COL10A1: variants seen among roughly 807,000 people sequenced by gnomAD.
COL10A1 encodes collagen alpha-1(X) chain.
Under a neutral mutation model 18.2 loss-of-function variants are expected in COL10A1, and 10 were observed. The ratio of observed to expected loss-of-function variants is 0.55; its 90% CI spans 0.34 to 0.93. The LOEUF is 0.93. COL10A1 is among the 40% of genes least tolerant of loss of function. The pLI is 0.02. For synonymous variants in COL10A1, 330 were observed against 316.6 expected (o/e 1.04, Z -0.45); for missense variants, 897 against 853.5 (o/e 1.05, Z -0.64).
intron 1 of COL10A1, among the ~76,000 whole-genome samples, chr6:116,149,053 T>A (rs952780386): frequency 5.9e-5 from 9 of 152,294 alleles, no homozygotes; most frequent in Non-Finnish European, 1.3e-4. Flanking sequence ...ATGTGTTTTT[T>A]AAATTTTCTT....
chr6:116,149,409 C>A lies in COL10A1; in HGVS notation c.-16+9205G>T, dbSNP rs1271198188. Among the ~76,000 whole-genome samples the A allele has an allele frequency of 2.6e-5, 4 of 152,124 alleles. No individual in the cohort carries two copies. The East Asian group carries it at 7.7e-4, about 29-fold the overall frequency. ...GTGTGTCTTTACCAAACTGGCTCTG[C>A]ATTTTTAGGATTATGATTTTCTAAA... On this transcript the variant is annotated intron_variant, in intron 1 of 1. Coordinates refer to the COL10A1 transcript ENST00000418500.
At position 116,119,775 on chromosome 6, in the gene COL10A1, GT is replaced by G; in HGVS notation, c.*297del. On this transcript the variant is annotated 3_prime_UTR_variant, in exon 3 of 3. Transcript: ENST00000651968. ...TTTTTTAATTTTTTTTTTGTTGTTTGTTTTTTGTTGTTTGTTTTTAACATAG... is the reference window on the plus strand; with the variant it reads ...TTTTTTAATTTTTTTTTTGTTGTTTGTTTTTGTTGTTTGTTTTTAACATAG... The G allele has an allele frequency of 4.1e-6, 1 of 244,886 alleles. No individual in the cohort carries two copies. Among genetic ancestry groups the G allele is most frequent in the Admixed American group, 5.3e-5 (1 of 19,012 alleles). The allele number at this position is 244,886 out of a possible 1,614,324, so 15.2% of individuals were successfully genotyped here.
At chr6:116,138,219 T>C (rs1779662063) in intron 1 of COL10A1, among the ~76,000 whole-genome samples, 1 of 152,204 alleles carries the variant, frequency 6.6e-6, no homozygotes, top group Middle Eastern at 3.2e-3. Context: ...CTATTATTAT[T>C]CTCATCTTTA....
the COL10A1 span, among the ~76,000 whole-genome samples, chr6:116,168,568 C>T: frequency 2.5e-3 from 379 of 152,218 alleles, 2 homozygotes; most frequent in African/African-American, 8.8e-3. Flanking sequence ...TTCAGTCTGT[C>T]TTCATGCCAT....
chr6:116,125,532 T>C (rs139701581), intron 1 of COL10A1, 25 bp from the exon 2 acceptor site: 23 of 1,603,428 alleles, frequency 1.4e-5, no homozygotes, highest in African/African-American at 5.4e-5. Flanking sequence ...AGAATAACTT[T>C]ATACAGCATT....
In COL10A1 at chr6:116,120,033, G is replaced by C. The variant is rs761361402; in HGVS notation, c.*40C>G. 2 of 1,538,306 alleles carry C rather than the reference G, an allele frequency of 1.3e-6. No individual in the cohort carries two copies. ...GTAGGGTGGGGTAGAGTTAGAGAAT[G>C]CTTTTTCTAGCACAAGATTTAGATT... is the stretch of plus-strand genomic sequence containing the variant. On this transcript the variant is annotated 3_prime_UTR_variant, in exon 3 of 3. Coordinates refer to ENST00000651968, the MANE Select transcript of COL10A1 (RefSeq NM_000493.4).
At chr6:116,140,773 A>G (rs1290567596) in intron 1 of COL10A1, among the ~76,000 whole-genome samples, 1 of 152,142 alleles carries the variant, frequency 6.6e-6, no homozygotes, top group Non-Finnish European at 1.5e-5. Flanking sequence ...TTTTTGATGT[A>G]ACATTGTGTT....
chr6:116,155,695 G>A (rs1780171653), intron 1 of COL10A1, among the ~76,000 whole-genome samples: 1 of 146,862 alleles, frequency 6.8e-6, no homozygotes, highest in Non-Finnish European at 1.5e-5. Flanking sequence ...TCCATCTAAA[G>A]GGCACTGGGT....
At chr6:116,171,186 A>T in the COL10A1 span, among the ~76,000 whole-genome samples, 26 of 152,270 alleles carry the variant, frequency 1.7e-4, no homozygotes, top group Middle Eastern at 3.4e-3. Flanking sequence ...TGACCCACTT[A>T]TATTATTGTC....
the COL10A1 span, among the ~76,000 whole-genome samples, chr6:116,204,138 A>C: frequency 8.7e-3 from 1,320 of 152,030 alleles, 19 homozygotes; most frequent in African/African-American, 0.03. Context: ...CACTGCTGTG[A>C]GCCTGAAGGC....
upstream of COL10A1, among the ~76,000 whole-genome samples, chr6:116,159,513 G>C (rs558967464): frequency 3.3e-5 from 5 of 152,142 alleles, no homozygotes; most frequent in African/African-American, 1.2e-4. Context: ...ATATCTGTCG[G>C]GTATTCTGGA....
At chr6:116,174,166 C>G in the COL10A1 span, among the ~76,000 whole-genome samples, 1 of 152,126 alleles carries the variant, frequency 6.6e-6, no homozygotes, top group Non-Finnish European at 1.5e-5. Context: ...ACCTTGATTA[C>G]CTGACCAACA....
At chr6:116,135,878 C>G (rs1449437843) in intron 1 of COL10A1, among the ~76,000 whole-genome samples, 2 of 128,460 alleles carry the variant, frequency 1.6e-5, no homozygotes, top group Non-Finnish European at 3.4e-5. Flanking sequence ...TATATACACA[C>G]ATACACACAC....
At position 116,118,991 on chromosome 6, in the gene COL10A1, C is replaced by T. The variant is rs1447899733; in HGVS notation, c.*1082G>A. On this transcript the variant is annotated 3_prime_UTR_variant, in exon 3 of 3. Coordinates refer to ENST00000651968, the MANE Select transcript of COL10A1 (RefSeq NM_000493.4). ...GCCTTGAAAGAATGGTTGAGAACAGCAAATTGCTGCTTTCAAATTAATTCA... is the reference window on the plus strand; with the variant it reads ...GCCTTGAAAGAATGGTTGAGAACAGTAAATTGCTGCTTTCAAATTAATTCA... 6.6e-6 allele frequency: 1 copy of T among 152,496 alleles called. No homozygotes were observed. The highest frequency in any genetic ancestry group is 1.5e-5 in the Non-Finnish European group (1 of 68,038). The allele number at this position is 152,496 out of a possible 1,614,324, so 9.4% of individuals were successfully genotyped here. A position where few individuals can be genotyped will look rare whatever the true frequency, so the allele number is the denominator to read the frequency against.
chr6:116,183,675 G>T, the COL10A1 span, among the ~76,000 whole-genome samples: 1 of 151,576 alleles, frequency 6.6e-6, no homozygotes, highest in South Asian at 2.1e-4. Flanking sequence ...TATAAAAGGG[G>T]TTGAGTTCTT....
the COL10A1 span, among the ~76,000 whole-genome samples, chr6:116,171,357 T>C: frequency 6.6e-6 from 1 of 152,126 alleles, no homozygotes; most frequent in Admixed American, 6.5e-5. Flanking sequence ...GACCAGGAAT[T>C]ATAAATAGAC....
chr6:116,213,432 G>C, the COL10A1 span, among the ~76,000 whole-genome samples: 1 of 152,102 alleles, frequency 6.6e-6, no homozygotes, highest in East Asian at 1.9e-4. Context: ...CAGGTAAGGA[G>C]TCGAAGCTGC....
chr6:116,135,870 T>TACACAC (rs1171866948), intron 1 of COL10A1, among the ~76,000 whole-genome samples: 26 of 119,274 alleles, frequency 2.2e-4, no homozygotes, highest in Middle Eastern at 3.9e-3. Flanking sequence ...TATATATATA[T>TACACAC]ATACACACAT....
At position 116,132,825 on chromosome 6, in the gene COL10A1, C is replaced by T. The variant is rs79887775; in HGVS notation, c.-15-7318G>A. Among the ~76,000 whole-genome samples the T allele has an allele frequency of 5.5e-3, 830 of 152,162 alleles. 10 individuals carry two copies. The highest frequency in any genetic ancestry group is 0.017 in the African/African-American group (700 of 41,512). On this transcript the variant is annotated intron_variant, in intron 1 of 1. Coordinates refer to the COL10A1 transcript ENST00000418500. ...AGTGCCGAGAAGTTTAGTCAGGGCA[C>T]CTTCCACCACCACCTTGCTGTACCT...
Sources: allele counts gnomAD v4.1 joint callset (sites outside exome capture counted in the v4.1 genomes callset), GRCh38; gene constraint gnomAD v4.1.1; transcripts MANE v1.5; gene names NCBI Gene and HGNC (gene_info 2026-07-23, HGNC 2026-07-21).